EIF4G1: variants seen among roughly 807,000 people sequenced by gnomAD.
EIF4G1 encodes the protein eukaryotic translation initiation factor 4 gamma 1, also known as EIF4-gamma.
EIF4G1 carries 4 observed loss-of-function variants against 187.8 expected under a neutral mutation model. The observed-to-expected ratio is 0.02, with a 90% CI of 0.01 to 0.05. The LOEUF (loss-of-function observed/expected upper bound fraction) is 0.05, where lower values mean the gene tolerates loss of function less well. EIF4G1 is among the 10% of genes least tolerant of loss of function. EIF4G1 has a pLI of 1.00. For missense variants in EIF4G1, 1,647 were observed against 2,081.1 expected, an observed-to-expected ratio of 0.79 and a Z score of 4.06; for synonymous variants, 844 against 781.4, an observed-to-expected ratio of 1.08 and a Z score of -1.34.
intron 3 of EIF4G1, 31 bp downstream of exon 3, chr3:184,315,887 G>A (rs1437326523): frequency 1.3e-6 from 2 of 1,542,050 alleles, no homozygotes; most frequent in Non-Finnish European, 1.8e-6. Context: ...AGGGGTGGGG[G>A]TGGGGGAGAC....
Position 184,331,546 on chromosome 3 carries a change from G to A in EIF4G1, c.4335G>A (p.Arg1445=). The change falls in exon 30 of 33, where the codon AGG becomes AGA. Residue 1445 remains arginine (R), a synonymous_variant. Coordinates refer to ENST00000346169, the MANE Select transcript of EIF4G1 (RefSeq NM_198241.3). ...CACTCCCCTCCGAGGAGCTGAACAG[G>A]CAGCTGGAGAAGCTGCTGAAGGAGG... ...QRALPSEELN[R]QLEKLLKEGS... 6.2e-7 allele frequency: 1 copy of A among 1,613,984 alleles called. No individual in the cohort carries two copies. The highest frequency in any genetic ancestry group is 1.1e-5 in the South Asian group (1 of 91,076).
rs763154760 is a variant in EIF4G1, at chr3:184,327,318, G to A, written c.3531G>A (p.Ala1177=). ...ACCGTGGGGACCGGCTTGATCGTGCGCGGACACCTGCTACCAAGCGGAGCT... is the reference window on the plus strand; with the variant it reads ...ACCGTGGGGACCGGCTTGATCGTGCACGGACACCTGCTACCAAGCGGAGCT... ...GGDRGDRLDR[A]RTPATKRSFS... is the part of the protein sequence containing the mutation. Residue 1177 remains alanine (A), a synonymous_variant, in exon 24 of 33, where the codon GCG becomes GCA. Coordinates refer to ENST00000346169, the MANE Select transcript of EIF4G1 (RefSeq NM_198241.3). 14 of 1,613,638 alleles carry A rather than the reference G, an allele frequency of 8.7e-6. No individual in the cohort carries two copies. Among genetic ancestry groups the A allele is most frequent in the African/African-American group, 5.3e-5 (4 of 74,948 alleles).
rs1456065351 is a variant in EIF4G1 at position 184,321,835 on chromosome 3, A to G, written c.1251A>G (p.Pro417=). 6.2e-7 allele frequency: 1 copy of G among 1,614,194 alleles called. No individual in the cohort carries two copies. Among genetic ancestry groups the G allele is most frequent in the Non-Finnish European group, 8.5e-7 (1 of 1,180,044 alleles). Reference sequence around the variant, plus strand: ...CGCCACCAGCTGTGGACTTAAGCCCAGTCAGTGAGCCAGAGGAGCAGGCCA... The same window carrying G: ...CGCCACCAGCTGTGGACTTAAGCCCGGTCAGTGAGCCAGAGGAGCAGGCCA... ...APSPPAVDLS[P]VSEPEEQAKE... Residue 417 remains proline, a synonymous_variant, in exon 10 of 33, where the codon CCA becomes CCG. Coordinates refer to ENST00000346169, the MANE Select transcript of EIF4G1 (RefSeq NM_198241.3).
At chr3:184,315,405 G>T (rs1216103032) in intron 1 of EIF4G1, 84 bp from the exon 2 acceptor site, 1 of 536,788 alleles carries the variant, frequency 1.9e-6, no homozygotes, top group Non-Finnish European at 3.7e-6. Flanking sequence ...CCGGGAGCCT[G>T]GTGCCAGCGA....
Position 184,316,211 on chromosome 3 carries a change from C to A in EIF4G1, c.140C>A (p.Pro47His), listed in dbSNP as rs767029107. 1.9e-6 allele frequency: 3 copies of A among 1,613,980 alleles called. No individual in the cohort carries two copies. The highest frequency in any genetic ancestry group is 2.5e-6 in the Non-Finnish European group (3 of 1,180,022). The stretch of plus-strand genomic sequence containing the variant: ...ACACAAATGAACACGCCTTCTCAGC[C>A]CCGCCAGGTGAGGGGCTGTGGGGAG... The part of the protein sequence containing the change: ...QATQMNTPSQ[P>H]RQHFYPSRAQ... The change falls in exon 4 of 33, where the codon CCC becomes CAC. Residue 47 changes from proline (P) to histidine (H), a missense_variant. By Grantham distance (77) the Pro-to-His change is moderately conservative (BLOSUM62 -2). Around this residue, in one of 11 missense-constraint regions of EIF4G1, gnomAD observed 139 missense variants for 187.3 expected, o/e 0.74. Transcript: ENST00000346169.
rs1170547054 is a variant in EIF4G1, at chr3:184,334,813, C to A, written c.4705C>A (p.Pro1569Thr). 1 of 1,614,194 alleles carries A rather than the reference C, an allele frequency of 6.2e-7. No homozygotes were observed. Among genetic ancestry groups the A allele is most frequent in the East Asian group, 2.2e-5 (1 of 44,880 alleles). ...CTACAGTTGGGAGAGTAGCAAGGAC[C>A]CCGCTGAGCAGCAGGGCAAGGGTGT... Reference protein sequence around the residue: ...AFYSWESSKDPAEQQGKGVAL... With the variant: ...AFYSWESSKDTAEQQGKGVAL... The change falls in exon 33 of 33, where the codon CCC (proline) becomes ACC (threonine). Residue 1569 changes from proline (P) to threonine (T), a missense_variant. Transcript: ENST00000346169. This position sits in a 1 kb window ranked among gnomAD's most constrained non-coding sequence, Gnocchi z 5.8.
At chr3:184,330,154 A>C (rs1170484263) in intron 28 of EIF4G1, among the ~76,000 whole-genome samples, 2 of 152,164 alleles carry the variant, frequency 1.3e-5, no homozygotes, top group African/African-American at 4.8e-5. Context: ...AGGTGGGTGG[A>C]TCACGTGAGG....
intron 1 of EIF4G1, 99 bp from the exon 2 acceptor site, chr3:184,315,390 G>A: frequency 1.9e-6 from 1 of 527,888 alleles, no homozygotes; most frequent in South Asian, 1.4e-5. Context: ...AGCTCCGTTC[G>A]TGATCCGGGA....
rs771031866 is a variant in EIF4G1 at position 184,323,124 on chromosome 3, A to G, written c.1971A>G (p.Leu657=). The G allele has an allele frequency of 8.1e-6, 13 of 1,614,076 alleles. No homozygotes were observed. In the East Asian group the frequency reaches 2.7e-4, roughly 33 times the overall value. ...TPLRPLDPTR[L]QGINCGPDFT... ...TGCGGCCACTGGATCCCACTAGACT[A>G]CAAGGCATAAATTGTGGCCCAGACT... The change falls in exon 14 of 33, where the codon CTA becomes CTG. Residue 657 remains leucine, a synonymous_variant. Coordinates refer to ENST00000346169, the MANE Select transcript of EIF4G1 (RefSeq NM_198241.3). This position sits in a 1 kb window ranked among gnomAD's most constrained non-coding sequence, Gnocchi z 6.9.
Position 184,321,957 on chromosome 3 carries a change from A to C in EIF4G1, c.1373A>C (p.Glu458Ala), listed in dbSNP as rs1307110314. The C allele has an allele frequency of 6.2e-7, 1 of 1,602,894 alleles. No homozygotes were observed. The highest frequency in any genetic ancestry group is 2.2e-5 in the East Asian group (1 of 44,528). ...ATSPAQEEEM[E>A]EEEEEEEGEA... Reference sequence around the variant, plus strand: ...TCCCCAGCTCAGGAGGAGGAAATGGAAGAAGAAGAAGAAGAGGAAGAAGGA... The same window carrying C: ...TCCCCAGCTCAGGAGGAGGAAATGGCAGAAGAAGAAGAAGAGGAAGAAGGA... Residue 458 changes from glutamate to alanine, a missense_variant, in exon 10 of 33, where the codon GAA becomes GCA. Around this residue, in one of 11 missense-constraint regions of EIF4G1, gnomAD observed 522 missense variants for 485.2 expected, o/e 1.08. Transcript: ENST00000346169.
rs145998921 is a variant in EIF4G1 at position 184,321,882 on chromosome 3, C to T, written c.1298C>T (p.Ala433Val). The part of the protein sequence containing the change: ...EQAKEVTASM[A>V]PPTIPSATPA... Reference sequence around the variant, plus strand: ...GCCAAGGAGGTGACAGCATCAATGGCGCCCCCCACCATCCCCTCTGCTACT... The same window carrying T: ...GCCAAGGAGGTGACAGCATCAATGGTGCCCCCCACCATCCCCTCTGCTACT... The change falls in exon 10 of 33, where the codon GCG (alanine) becomes GTG (valine). Residue 433 changes from alanine to valine, a missense_variant. By Grantham distance (64) the Ala-to-Val change is moderately conservative. Coordinates refer to ENST00000346169, the MANE Select transcript of EIF4G1 (RefSeq NM_198241.3). 7.5e-5 allele frequency: 121 copies of T among 1,614,102 alleles called. 1 individual carries two copies. Among genetic ancestry groups the T allele is most frequent in the African/African-American group, 1.2e-4 (9 of 75,016 alleles).
At chr3:184,330,100 A>C (rs1379903953) in intron 28 of EIF4G1, among the ~76,000 whole-genome samples, 1 of 152,194 alleles carries the variant, frequency 6.6e-6, no homozygotes, top group African/African-American at 2.4e-5. Flanking sequence ...TTAAGAAAGA[A>C]AAGACTGGGC....
At chr3:184,333,808 G>C (rs1162751521) in intron 32 of EIF4G1, among the ~76,000 whole-genome samples, 1 of 152,210 alleles carries the variant, frequency 6.6e-6, no homozygotes, top group Non-Finnish European at 1.5e-5. Flanking sequence ...GAGAAACTTG[G>C]GCTTGAAAAT....
chr3:184,324,133 T>G (rs1724412858), intron 16 of EIF4G1, 68 bp from the exon 17 acceptor site: 1 of 1,610,904 alleles, frequency 6.2e-7, no homozygotes, highest in Admixed American at 1.7e-5. Context: ...GTCAGGTAGT[T>G]AAAGGCTCTT....
chr3:184,334,755 G>T lies in EIF4G1; in HGVS notation c.4647G>T (p.Leu1549=). The T allele has an allele frequency of 6.2e-7, 1 of 1,614,216 alleles. No homozygotes were observed. Among genetic ancestry groups the T allele is most frequent in the Non-Finnish European group, 8.5e-7 (1 of 1,180,036 alleles). The part of the protein sequence containing the change: ...PNLLRMFFDA[L]YDEDVVKEDA... ...TGCTGCGGATGTTCTTTGACGCACT[G>T]TATGACGAGGACGTGGTGAAGGAGG... is the stretch of plus-strand genomic sequence containing the variant. Residue 1549 remains leucine, a synonymous_variant, in exon 33 of 33, where the codon CTG becomes CTT. Transcript: ENST00000346169. This position sits in a 1 kb window ranked among gnomAD's most constrained non-coding sequence, Gnocchi z 5.8.
At chr3:184,332,798 C>T (rs1218609311) in intron 32 of EIF4G1, among the ~76,000 whole-genome samples, 1 of 152,036 alleles carries the variant, frequency 6.6e-6, no homozygotes, top group Admixed American at 6.5e-5. Flanking sequence ...TAAAGAAAGG[C>T]CAGTGTGGGA....
chr3:184,319,039 A>T lies in EIF4G1; in HGVS notation c.425-650A>T, dbSNP rs570829240. On this transcript the variant is annotated intron_variant, in intron 6 of 32. Coordinates refer to ENST00000346169, the MANE Select transcript of EIF4G1 (RefSeq NM_198241.3). ...CAGTGAACCAAGATTGTGCCACTGT[A>T]TTCCAGCCTGGGCAATAGAGTGAGA... is the stretch of plus-strand genomic sequence containing the variant. 2.6e-5 allele frequency among the ~76,000 whole-genome samples: 4 copies of T among 151,564 alleles called. No homozygotes were observed. The East Asian group carries it at 7.8e-4, about 30-fold the overall frequency.
chr3:184,320,340 T>C, intron 7 of EIF4G1: 1 of 1,335,314 alleles, frequency 7.5e-7, no homozygotes, highest in Non-Finnish European at 9.6e-7. Flanking sequence ...GGCCCCAGGG[T>C]GTGCAGCCAC....
Position 184,321,896 on chromosome 3 carries a change from C to T in EIF4G1, c.1312C>T (p.Pro438Ser), listed in dbSNP as rs758187479. ...VTASMAPPTI[P>S]SATPATAPSA... ...AGCATCAATGGCGCCCCCCACCATC[C>T]CCTCTGCTACTCCAGCTACGGCTCC... The change falls in exon 10 of 33, where the codon CCC (proline) becomes TCC (serine). Residue 438 changes from proline (P) to serine (S), a missense_variant. This residue lies in a region of EIF4G1 where 522 missense variants were observed against 485.2 expected (regional missense o/e 1.08). Transcript: ENST00000346169. 2 of 1,614,090 alleles carry T rather than the reference C, an allele frequency of 1.2e-6. No individual in the cohort carries two copies. Among genetic ancestry groups the T allele is most frequent in the African/African-American group, 1.3e-5 (1 of 74,922 alleles).
Sources: allele counts gnomAD v4.1 joint callset (sites outside exome capture counted in the v4.1 genomes callset), GRCh38; gene constraint gnomAD v4.1.1; regional missense constraint gnomAD v4.1.1; non-coding constraint Gnocchi (gnomAD v3.1); transcripts MANE v1.5; gene names NCBI Gene and HGNC (gene_info 2026-07-23, HGNC 2026-07-21).